The following FRAS1 variants were observed in gnomAD, a reference collection of about 807,000 sequenced individuals.
FRAS1 encodes extracellular matrix organizing protein FRAS1.
Under a neutral mutation model 435.2 loss-of-function variants are expected in FRAS1, and 290 were observed. The observed-to-expected ratio is 0.67, with a 90% CI of 0.61 to 0.73. FRAS1 has a LOEUF of 0.73. Among genes scored for constraint, FRAS1 ranks in the 30% least tolerant of loss-of-function variants. FRAS1 has a pLI of 0.00. For synonymous variants in FRAS1, 1,800 were observed against 1,851.0 expected (o/e 0.97, Z 0.71); for missense variants, 4,860 against 5,001.5 (o/e 0.97, Z 0.85).
At chr4:78,130,113 A>T (rs558270852) in intron 2 of FRAS1, among the ~76,000 whole-genome samples, 1 of 152,224 alleles carries the variant, frequency 6.6e-6, no homozygotes, top group East Asian at 1.9e-4. Context: ...AGATAGCATC[A>T]ATCTCTCCTT....
At chr4:78,451,333 A>C (rs1178070577) in intron 45 of FRAS1, among the ~76,000 whole-genome samples, 2 of 152,218 alleles carry the variant, frequency 1.3e-5, no homozygotes, top group Non-Finnish European at 2.9e-5. Context: ...CTGGGCAATG[A>C]AAAGTGAAGA....
intron 2 of FRAS1, among the ~76,000 whole-genome samples, chr4:78,190,949 T>G (rs187160552): frequency 2.8e-4 from 42 of 152,308 alleles, no homozygotes; most frequent in Non-Finnish European, 5.1e-4. Flanking sequence ...AGTGGGATCT[T>G]GATCCCATAG....
chr4:78,292,895 G>A (rs542483542), intron 14 of FRAS1, among the ~76,000 whole-genome samples: 19 of 152,270 alleles, frequency 1.2e-4, no homozygotes, highest in South Asian at 2.1e-4. Context: ...CCTATGCATT[G>A]TTCAGAACTT....
At chr4:78,139,410 C>T (rs1359674898) in intron 2 of FRAS1, among the ~76,000 whole-genome samples, 3 of 152,196 alleles carry the variant, frequency 2.0e-5, no homozygotes, top group Non-Finnish European at 4.4e-5. Flanking sequence ...GGCTTTCCCT[C>T]CTACAAATTA....
At chr4:78,150,826 C>T (rs1392845123) in intron 2 of FRAS1, among the ~76,000 whole-genome samples, 2 of 152,182 alleles carry the variant, frequency 1.3e-5, no homozygotes, top group African/African-American at 2.4e-5. Flanking sequence ...ATGATTTATG[C>T]TCTGAGTGCA....
chr4:78,146,893 T>C (rs1259986604), intron 2 of FRAS1, among the ~76,000 whole-genome samples: 2 of 152,184 alleles, frequency 1.3e-5, no homozygotes, highest in Non-Finnish European at 2.9e-5. Context: ...GTTTGTTTAG[T>C]TTTCTATGTG....
chr4:78,483,920 G>C, intron 58 of FRAS1, among the ~76,000 whole-genome samples: 1 of 151,506 alleles, frequency 6.6e-6, no homozygotes. Context: ...TTGCATAAAT[G>C]AAAGTCCATC....
Position 78,505,224 on chromosome 4 carries a change from G to A in FRAS1, c.9317-2197G>A, listed in dbSNP as rs556255752. On this transcript the variant is annotated intron_variant, in intron 61 of 73. Coordinates refer to ENST00000512123, the MANE Select transcript of FRAS1 (RefSeq NM_025074.7). ...GTGTTTTGGGGTTGCTCTTCTTGAG[G>A]AGTACCTTTGTGATGTTCTCTGTAT... Among the ~76,000 whole-genome samples, 106 of 152,252 alleles carry A rather than the reference G, an allele frequency of 7.0e-4. 2 individuals are homozygous for A. The highest frequency in any genetic ancestry group is 6.8e-3 in the Middle Eastern group (2 of 294).
rs146753523 is a variant in FRAS1 at position 78,294,843 on chromosome 4, A to G, written c.1534+8304A>G. Among the ~76,000 whole-genome samples the G allele has an allele frequency of 1.2e-3, 185 of 152,292 alleles. No individual in the cohort carries two copies. In the Middle Eastern group the frequency reaches 0.031, roughly 25 times the overall value. ...TTCCCCCCAAATACCAAATGAATTT[A>G]TGTTTATTCCAAAAAAAAATAATTA... On this transcript the variant is annotated intron_variant, in intron 14 of 73. Coordinates refer to ENST00000512123, the MANE Select transcript of FRAS1 (RefSeq NM_025074.7).
Position 78,438,973 on chromosome 4 carries a change from A to G in FRAS1, c.5438A>G (p.Asp1813Gly). 1 of 1,613,416 alleles carries G rather than the reference A, an allele frequency of 6.2e-7. No homozygotes were observed. Among genetic ancestry groups the G allele is most frequent in the Non-Finnish European group, 8.5e-7 (1 of 1,179,524 alleles). The change falls in exon 40 of 74, where the codon GAC becomes GGC. Residue 1813 changes from aspartate to glycine, a missense_variant. Asp to Gly is a moderately conservative substitution (Grantham distance 94, BLOSUM62 -1). Coordinates refer to ENST00000512123, the MANE Select transcript of FRAS1 (RefSeq NM_025074.7). ...DSFYFSVSDM[D>G]HNHLDNQIFT... is the part of the protein sequence containing the mutation. ...TTCTATTTCTCTGTCTCTGACATGG[A>G]CCACAACCATCTGGATAATCAGATA...
At chr4:78,227,888 GT>G (rs1724342402) in intron 2 of FRAS1, among the ~76,000 whole-genome samples, 1 of 152,166 alleles carries the variant, frequency 6.6e-6, no homozygotes, top group African/African-American at 2.4e-5. Flanking sequence ...TCATAAAATA[GT>G]TAGCAATTCT....
intron 2 of FRAS1, among the ~76,000 whole-genome samples, chr4:78,201,869 A>G (rs1237897473): frequency 6.6e-6 from 1 of 152,168 alleles, no homozygotes; most frequent in Non-Finnish European, 1.5e-5. Flanking sequence ...AAAGAAAATA[A>G]ATATTTATTT....
At chr4:78,266,073 C>T (rs986825905) in intron 7 of FRAS1, among the ~76,000 whole-genome samples, 5 of 152,178 alleles carry the variant, frequency 3.3e-5, no homozygotes, top group African/African-American at 4.8e-5. Context: ...TCTTCAACTA[C>T]AAGGAACAGA....
intron 54 of FRAS1, 96 bp from the exon 55 acceptor site, chr4:78,477,719 A>C: frequency 6.8e-7 from 1 of 1,464,966 alleles, no homozygotes; most frequent in Non-Finnish European, 9.2e-7. Context: ...TGCTCTGCCC[A>C]CTGGACTTGG....
chr4:78,315,654 A>G lies in FRAS1; in HGVS notation c.1739A>G (p.Glu580Gly). The change falls in exon 16 of 74, where the codon GAG becomes GGG. Residue 580 changes from glutamate (E) to glycine (G), a missense_variant. By Grantham distance (98) the Glu-to-Gly change is moderately conservative. Transcript: ENST00000512123. ...PSSPRCLTCT[E>G]KTVLHDGKCM... ...AGCCCCAGGTGTCTTACCTGTACTG[A>G]GAAGACAGTGCTGCATGATGGGAAA... The G allele has an allele frequency of 6.2e-7, 1 of 1,613,938 alleles. No individual in the cohort carries two copies. Among genetic ancestry groups the G allele is most frequent in the Non-Finnish European group, 8.5e-7 (1 of 1,179,858 alleles).
intron 7 of FRAS1, 94 bp downstream of exon 7, chr4:78,265,202 T>C (rs1726292964): frequency 7.3e-6 from 5 of 686,158 alleles, no homozygotes; most frequent in Non-Finnish European, 1.2e-5. Context: ...ACCACCCTCA[T>C]GTCTGACTCT....
chr4:78,409,223 G>T, intron 31 of FRAS1, among the ~76,000 whole-genome samples: 1 of 150,826 alleles, frequency 6.6e-6, no homozygotes. Flanking sequence ...AATAATAAAA[G>T]GATAAACAAA....
chr4:78,410,144 G>C (rs888654641), intron 31 of FRAS1, among the ~76,000 whole-genome samples: 3 of 152,180 alleles, frequency 2.0e-5, no homozygotes, highest in African/African-American at 7.2e-5. Context: ...AGAATCCTCA[G>C]ATCTGCCTTT....
intron 60 of FRAS1, 97 bp from the exon 61 acceptor site, chr4:78,499,624 A>G: frequency 8.4e-7 from 1 of 1,194,430 alleles, no homozygotes. Flanking sequence ...AACTAATGTG[A>G]ACAATTTCCT....
Sources: gnomAD v4.1 joint callset for allele counts (sites outside exome capture counted in the v4.1 genomes callset) on GRCh38, gnomAD v4.1.1 for gene constraint, MANE v1.5 for transcripts, NCBI Gene and HGNC (gene_info 2026-07-23, HGNC 2026-07-21) for gene names.